PGM5: variants seen among roughly 807,000 people sequenced by gnomAD.
PGM5 encodes the protein phosphoglucomutase 5.
PGM5 carries 23 observed loss-of-function variants against 59.2 expected under a neutral mutation model. That is an observed-to-expected ratio of 0.39 (90% CI 0.28 to 0.55). The LOEUF (loss-of-function observed/expected upper bound fraction) is 0.55, where lower values mean the gene tolerates loss of function less well. PGM5 is among the 20% of genes least tolerant of loss of function. The pLI, the probability that PGM5 is intolerant of heterozygous loss-of-function variation, is 0.66. For missense variants in PGM5, 574 were observed against 748.3 expected (o/e 0.77, Z 2.72); for synonymous variants, 214 against 286.0 (o/e 0.75, Z 2.54).
intron 10 of PGM5, among the ~76,000 whole-genome samples, chr9:68,522,521 T>G (rs1824914608): frequency 6.6e-6 from 1 of 152,202 alleles, no homozygotes; most frequent in African/African-American, 2.4e-5. Flanking sequence ...AGCGAGGAAG[T>G]TAATTTTGGT....
At chr9:68,421,639 C>T (rs1009499246) in intron 6 of PGM5, among the ~76,000 whole-genome samples, 3 of 152,042 alleles carry the variant, frequency 2.0e-5, no homozygotes, top group African/African-American at 7.3e-5. Context: ...ATCACTTGAA[C>T]CCGGGAGGCG....
At chr9:68,419,664 CT>C in intron 6 of PGM5, among the ~76,000 whole-genome samples, 1 of 152,206 alleles carries the variant, frequency 6.6e-6, no homozygotes, top group East Asian at 1.9e-4. Flanking sequence ...GCATCTATTG[CT>C]GTCTTTACTT....
chr9:68,482,437 G>A (rs1824213144), intron 8 of PGM5, among the ~76,000 whole-genome samples: 3 of 152,156 alleles, frequency 2.0e-5, no homozygotes, highest in Admixed American at 6.5e-5. Context: ...TTGTGTAGGA[G>A]GAAGAGAATA....
chr9:68,432,430 G>A (rs999948839), intron 6 of PGM5, among the ~76,000 whole-genome samples: 9 of 151,712 alleles, frequency 5.9e-5, no homozygotes, highest in Non-Finnish European at 1.3e-4. Flanking sequence ...TGAACTCATG[G>A]TCTCAAGTGA....
At chr9:68,466,175 T>TA (rs1221966221) in intron 7 of PGM5, 8 of 1,300,194 alleles carry the variant, frequency 6.2e-6, no homozygotes, top group Non-Finnish European at 8.1e-6. Context: ...AGATCGTCTC[T>TA]ATTGGAACAT....
At chr9:68,478,430 G>A (rs1824139588) in intron 7 of PGM5, among the ~76,000 whole-genome samples, 1 of 152,210 alleles carries the variant, frequency 6.6e-6, no homozygotes, top group Admixed American at 6.5e-5. Context: ...AGATGCCATT[G>A]CCTCAGTGGG....
At chr9:68,410,142 G>A (rs1822901256) in intron 6 of PGM5, among the ~76,000 whole-genome samples, 3 of 152,224 alleles carry the variant, frequency 2.0e-5, no homozygotes, top group Non-Finnish European at 4.4e-5. Flanking sequence ...AGCAACTAGA[G>A]AGAGGATGAA....
chr9:68,418,636 T>C (rs1823075788), intron 6 of PGM5, among the ~76,000 whole-genome samples: 1 of 151,878 alleles, frequency 6.6e-6, no homozygotes, highest in South Asian at 2.1e-4. Context: ...GCCTGCTGTT[T>C]GGCAGGACGA....
chr9:68,424,195 A>G (rs1370128130), intron 6 of PGM5, among the ~76,000 whole-genome samples: 1 of 152,198 alleles, frequency 6.6e-6, no homozygotes, highest in Non-Finnish European at 1.5e-5. Context: ...TCAACTTTGC[A>G]TTTCCCACAA....
At chr9:68,512,144 TG>T (rs1474178699) in intron 10 of PGM5, among the ~76,000 whole-genome samples, 1 of 152,238 alleles carries the variant, frequency 6.6e-6, no homozygotes, top group African/African-American at 2.4e-5. Context: ...TGCAATCTGT[TG>T]GTTGTTCCAA....
At chr9:68,465,042 A>T (rs1823911278) in intron 6 of PGM5, 51 bp from the exon 7 acceptor site, 1 of 1,248,070 alleles carries the variant, frequency 8.0e-7, no homozygotes, top group South Asian at 1.2e-5. Context: ...TGAGAAAAAA[A>T]AACAGAAAAT....
intron 6 of PGM5, among the ~76,000 whole-genome samples, chr9:68,415,073 C>A (rs1259406809): frequency 2.0e-5 from 3 of 149,330 alleles, no homozygotes; most frequent in Admixed American, 2.0e-4. Context: ...GGACCTCATT[C>A]ATTCTTCATG....
At chr9:68,515,323 A>G (rs532374878) in intron 10 of PGM5, among the ~76,000 whole-genome samples, 1 of 152,118 alleles carries the variant, frequency 6.6e-6, no homozygotes, top group African/African-American at 2.4e-5. Flanking sequence ...CCATGTTTTT[A>G]GTGCCTGGTG....
In PGM5 at chr9:68,499,207, C is replaced by T; in HGVS notation, c.1480-20C>T. The T allele has an allele frequency of 6.2e-7, 1 of 1,613,690 alleles. No homozygotes were observed. Among genetic ancestry groups the T allele is most frequent in the Non-Finnish European group, 8.5e-7 (1 of 1,179,786 alleles). Reference sequence around the variant, plus strand: ...GTATTCATTTGCTCACTGCTCCATTCTGGATGTTCTTGGTCTCAGGGCCTA... The same window carrying T: ...GTATTCATTTGCTCACTGCTCCATTTTGGATGTTCTTGGTCTCAGGGCCTA... On this transcript the variant is annotated intron_variant, in intron 9 of 10. Coordinates refer to ENST00000396396, the MANE Select transcript of PGM5 (RefSeq NM_021965.4).
intron 6 of PGM5, among the ~76,000 whole-genome samples, chr9:68,403,275 A>G (rs1395592228): frequency 1.3e-5 from 2 of 152,182 alleles, no homozygotes; most frequent in Non-Finnish European, 2.9e-5. Flanking sequence ...ACTGTCTCCC[A>G]TCATCTCCAG....
chr9:68,408,418 G>T (rs571260673), intron 6 of PGM5, among the ~76,000 whole-genome samples: 134 of 152,284 alleles, frequency 8.8e-4, no homozygotes, highest in African/African-American at 3.1e-3. Context: ...TTTTGATGGG[G>T]TTGTTTGTTT....
intron 6 of PGM5, among the ~76,000 whole-genome samples, chr9:68,414,144 C>T (rs1442400058): frequency 6.6e-6 from 1 of 152,196 alleles, no homozygotes; most frequent in Non-Finnish European, 1.5e-5. Flanking sequence ...CTCTCCTTCA[C>T]CTTCTACCAT....
intron 1 of PGM5, among the ~76,000 whole-genome samples, chr9:68,359,257 T>A (rs181183005): frequency 9.1e-4 from 139 of 152,378 alleles, no homozygotes; most frequent in Middle Eastern, 6.8e-3. Flanking sequence ...TTTTAACAGA[T>A]AATTAGCATA....
At position 68,529,662 on chromosome 9, in the gene PGM5, G is replaced by A; in HGVS notation, c.*6G>A. The A allele has an allele frequency of 5.7e-6, 9 of 1,571,196 alleles. No individual in the cohort carries two copies. Among genetic ancestry groups the A allele is most frequent in the Non-Finnish European group, 7.8e-6 (9 of 1,150,986 alleles). ...GACCCACTGTCATCACCTGAATAGAGGAAAGATCACTCACCAGGGCCAAAG... is the reference window on the plus strand; with the variant it reads ...GACCCACTGTCATCACCTGAATAGAAGAAAGATCACTCACCAGGGCCAAAG... On this transcript the variant is annotated 3_prime_UTR_variant, in exon 11 of 11. Transcript: ENST00000396396.
Sources: allele counts gnomAD v4.1 joint callset (sites outside exome capture counted in the v4.1 genomes callset), GRCh38; gene constraint gnomAD v4.1.1; transcripts MANE v1.5; gene names NCBI Gene and HGNC (gene_info 2026-07-23, HGNC 2026-07-21).